The following UBR3 variants were observed in gnomAD, a reference collection of about 807,000 sequenced individuals.
UBR3 encodes the protein E3 ubiquitin-protein ligase UBR3.
In UBR3, 85 loss-of-function variants were observed where a neutral mutation model predicts 243.2. That is an observed-to-expected ratio of 0.35 (90% CI 0.29 to 0.42). UBR3 has a LOEUF of 0.42. Among genes scored for constraint, UBR3 ranks in the 10% least tolerant of loss-of-function variants. The pLI is 1.00. For missense variants in UBR3, 1,686 were observed against 2,300.8 expected, an observed-to-expected ratio of 0.73 and a Z score of 5.47; for synonymous variants, 748 against 799.8, an observed-to-expected ratio of 0.94 and a Z score of 1.09.
chr2:169,920,652 C>G (rs1235669915), intron 11 of UBR3, among the ~76,000 whole-genome samples: 1 of 152,002 alleles, frequency 6.6e-6, no homozygotes, highest in Non-Finnish European at 1.5e-5. Context: ...GAAATACTGC[C>G]TTTTTATAGT....
In UBR3 at chr2:170,016,753, T is replaced by C. The variant is rs181778366; in HGVS notation, c.4453+1387T>C. On this transcript the variant is annotated intron_variant, in intron 30 of 38. Transcript: ENST00000272793. ...ATGAATTTATCCAGATTCCTGAAAA[T>C]AGTAATAAAATTCTAGTGGTAATCA... 1.9e-3 allele frequency: 460 copies of C among 247,374 alleles called. 1 individual carries two copies. The highest frequency in any genetic ancestry group is 2.7e-3 in the Non-Finnish European group (378 of 137,694). 15.3% of individuals were successfully genotyped at this position (247,374 alleles called of 1,614,324 possible). A position where few individuals can be genotyped will look rare whatever the true frequency, so the allele number is the denominator to read the frequency against.
At chr2:170,022,485 C>T (rs189834524) in intron 30 of UBR3, among the ~76,000 whole-genome samples, 3 of 152,252 alleles carry the variant, frequency 2.0e-5, no homozygotes, top group Admixed American at 6.5e-5. Context: ...GAAAACCTAG[C>T]ATATAGTGCT....
intron 1 of UBR3, among the ~76,000 whole-genome samples, chr2:169,836,142 G>C (rs2082106852): frequency 7.5e-6 from 1 of 132,640 alleles, no homozygotes; most frequent in Admixed American, 8.1e-5. Context: ...GGAGTGCAAT[G>C]GTGCGATCTC....
At chr2:170,021,622 C>T (rs892207715) in intron 30 of UBR3, among the ~76,000 whole-genome samples, 18 of 152,220 alleles carry the variant, frequency 1.2e-4, no homozygotes, top group Admixed American at 1.0e-3. Flanking sequence ...ACATTCAGTC[C>T]ATTGCAGTTT....
At chr2:169,972,350 T>C (rs1253834406) in intron 24 of UBR3, among the ~76,000 whole-genome samples, 3 of 152,120 alleles carry the variant, frequency 2.0e-5, no homozygotes, top group Non-Finnish European at 4.4e-5. Flanking sequence ...GAGGAACTGG[T>C]ACCATTCCTT....
Position 170,053,294 on chromosome 2 carries a change from G to C in UBR3, c.4661-2166G>C, listed in dbSNP as rs115676763. 3.0e-3 allele frequency among the ~76,000 whole-genome samples: 453 copies of C among 152,244 alleles called. 3 individuals are homozygous for C. Among genetic ancestry groups the C allele is most frequent in the African/African-American group, 0.01 (427 of 41,534 alleles). ...TTTCCTCTTGAGAGTCTGGAATTTTGGTATGTACTAGGAAGAGAGTACCTG... is the reference window on the plus strand; with the variant it reads ...TTTCCTCTTGAGAGTCTGGAATTTTCGTATGTACTAGGAAGAGAGTACCTG... On this transcript the variant is annotated intron_variant, in intron 32 of 38. Coordinates refer to ENST00000272793, the MANE Select transcript of UBR3 (RefSeq NM_172070.4).
intron 14 of UBR3, 45 bp from the exon 15 acceptor site, chr2:169,926,647 G>GAA: frequency 6.7e-7 from 1 of 1,486,650 alleles, no homozygotes; most frequent in African/African-American, 1.4e-5. Flanking sequence ...ATAGAAGAAG[G>GAA]AAAACTGAAT....
intron 3 of UBR3, among the ~76,000 whole-genome samples, chr2:169,876,981 G>T (rs577862928): frequency 6.6e-6 from 1 of 152,112 alleles, no homozygotes; most frequent in Admixed American, 6.6e-5. Flanking sequence ...TATCGCCTAG[G>T]ATTTTCTAAT....
At chr2:169,994,588 T>A in intron 26 of UBR3, 132 bp downstream of exon 26, 1 of 961,058 alleles carries the variant, frequency 1.0e-6, no homozygotes, top group South Asian at 1.8e-5. Flanking sequence ...AAAATTAATA[T>A]GTGGATAGAA....
chr2:169,925,274 A>ATTG (rs998761776), intron 13 of UBR3, among the ~76,000 whole-genome samples: 2 of 152,018 alleles, frequency 1.3e-5, no homozygotes, highest in Middle Eastern at 3.2e-3. Context: ...GTATATTAGG[A>ATTG]TTGTTGTTGT....
Position 169,861,367 on chromosome 2 carries a change from T to C in UBR3, c.546-10869T>C, listed in dbSNP as rs1023629827. 1.4e-4 allele frequency among the ~76,000 whole-genome samples: 21 copies of C among 152,300 alleles called. 1 individual carries two copies. Among genetic ancestry groups the C allele is most frequent in the East Asian group, 1.2e-3 (6 of 5,186 alleles). ...GCTCACGCCCGTAATCCCAGCACTC[T>C]GGGAGGCCGAGGCGGGTGGATCACG... On this transcript the variant is annotated intron_variant, in intron 1 of 38. Transcript: ENST00000272793.
chr2:170,035,446 C>T (rs1375569907), intron 31 of UBR3, among the ~76,000 whole-genome samples: 2 of 151,916 alleles, frequency 1.3e-5, no homozygotes, highest in African/African-American at 2.4e-5. Flanking sequence ...ATTGCCTTTA[C>T]TCCTTTGTTA....
At chr2:170,036,292 TA>T (rs1264610152) in intron 31 of UBR3, among the ~76,000 whole-genome samples, 1 of 152,100 alleles carries the variant, frequency 6.6e-6, no homozygotes, top group Non-Finnish European at 1.5e-5. Context: ...TTAAGCATTT[TA>T]AAAGATAGTT....
At chr2:169,916,787 C>G (rs1245844475) in intron 11 of UBR3, among the ~76,000 whole-genome samples, 1 of 152,038 alleles carries the variant, frequency 6.6e-6, no homozygotes, top group East Asian at 1.9e-4. Context: ...CTCTGATGCT[C>G]TACACTGGTC....
In UBR3 at chr2:169,950,027, C is replaced by A; in HGVS notation, c.3507C>A (p.Val1169=). ...CCCCTCCTGTACCACCTAAAAAAGT[C>A]ACTGCAGCAGAGAAGAAAACATTGG... ...KVTPPVPPKK[V]TAAEKKTLDK... is the part of the protein sequence containing the mutation. Residue 1169 remains valine, a synonymous_variant, in exon 23 of 39, where the codon GTC becomes GTA. Coordinates refer to ENST00000272793, the MANE Select transcript of UBR3 (RefSeq NM_172070.4). The A allele has an allele frequency of 1.3e-6, 2 of 1,587,298 alleles. No individual in the cohort carries two copies. Among genetic ancestry groups the A allele is most frequent in the South Asian group, 2.3e-5 (2 of 86,122 alleles).
rs1397912741 is a variant in UBR3 at position 170,033,586 on chromosome 2, C to A, written c.4556+4138C>A. On this transcript the variant is annotated intron_variant, in intron 31 of 38. Coordinates refer to ENST00000272793, the MANE Select transcript of UBR3 (RefSeq NM_172070.4). ...TGATTGGTTTTTCCACACCCACCCCCCCCCCCCCCAATATTTGCTCTCATT... is the reference window on the plus strand; with the variant it reads ...TGATTGGTTTTTCCACACCCACCCCACCCCCCCCCAATATTTGCTCTCATT... 3.4e-5 allele frequency among the ~76,000 whole-genome samples: 4 copies of A among 116,000 alleles called. No individual in the cohort carries two copies. In the South Asian group the frequency reaches 1.1e-3, roughly 32 times the overall value. 76.1% of individuals were successfully genotyped at this position (116,000 alleles called of 152,430 possible). A position where few individuals can be genotyped will look rare whatever the true frequency, so the allele number is the denominator to read the frequency against.
At chr2:169,847,886 C>G (rs748789199) in intron 1 of UBR3, among the ~76,000 whole-genome samples, 1 of 150,946 alleles carries the variant, frequency 6.6e-6, no homozygotes, top group Non-Finnish European at 1.5e-5. Context: ...CTAATTAGTA[C>G]TCTGGCAAAT....
intron 24 of UBR3, chr2:169,964,736 C>T (rs1037838782): frequency 5.2e-6 from 2 of 384,254 alleles, no homozygotes; most frequent in Non-Finnish European, 1.0e-5. Context: ...GCTTACAGCT[C>T]AGTTATAGTC....
At chr2:170,055,010 G>A (rs938728917) in intron 32 of UBR3, among the ~76,000 whole-genome samples, 6 of 152,270 alleles carry the variant, frequency 3.9e-5, no homozygotes, top group Admixed American at 1.3e-4. Flanking sequence ...AAATATAATA[G>A]TACATTATAA....
Sources: allele counts gnomAD v4.1 joint callset (sites outside exome capture counted in the v4.1 genomes callset), GRCh38; gene constraint gnomAD v4.1.1; transcripts MANE v1.5; gene names NCBI Gene and HGNC (gene_info 2026-07-23, HGNC 2026-07-21).